Variants in RIT2 observed in about 807,000 individuals in gnomAD.
RIT2 encodes Ras like without CAAX 2, also known as GTP-binding protein Rit2.
RIT2 carries 24 observed loss-of-function variants against 23.7 expected under a neutral mutation model. The observed-to-expected ratio is 1.01, with a 90% CI of 0.73 to 1.43. The LOEUF is 1.43. Ranked by LOEUF, RIT2 falls within the 40% of genes most tolerant of loss-of-function variation. The probability of loss-of-function intolerance (pLI) is 0.00; values close to 1 mark genes in which losing one functional copy is unlikely to be tolerated. For missense variants in RIT2, 236 were observed against 266.9 expected (o/e 0.88, Z 0.81); for synonymous variants, 107 against 91.1 (o/e 1.17, Z -0.99).
Position 42,948,541 on chromosome 18 carries a change from T to C in RIT2, c.235-24778A>G, listed in dbSNP as rs1489350994. Among the ~76,000 whole-genome samples, 3 of 151,978 alleles carry C rather than the reference T, an allele frequency of 2.0e-5. No homozygotes were observed. The East Asian group carries it at 5.8e-4, about 29-fold the overall frequency. On this transcript the variant is annotated intron_variant, in intron 3 of 4. Coordinates refer to ENST00000326695, the MANE Select transcript of RIT2 (RefSeq NM_002930.4). Reference sequence around the variant, plus strand: ...TTGAAGTCAGGACATAAAATACAAGTTTGGAAAGTGCACATGGATTCTAGA... The same window carrying C: ...TTGAAGTCAGGACATAAAATACAAGCTTGGAAAGTGCACATGGATTCTAGA...
rs139417482 is a variant in RIT2, at chr18:43,071,725, C to T, written c.104-37858G>A. Among the ~76,000 whole-genome samples the T allele has an allele frequency of 4.5e-3, 688 of 152,198 alleles. 5 individuals are homozygous for T. The highest frequency in any genetic ancestry group is 0.016 in the African/African-American group (655 of 41,514). On this transcript the variant is annotated intron_variant, in intron 1 of 4. Transcript: ENST00000326695. ...TATATTACATTTATTAATACTTTGA[C>T]AAATTATTTTAATATGATTGGTTTT...
chr18:42,747,100 G>C (rs1223361593), intron 4 of RIT2, among the ~76,000 whole-genome samples: 1 of 151,964 alleles, frequency 6.6e-6, no homozygotes, highest in African/African-American at 2.4e-5. Context: ...CTGGTGAAGA[G>C]GAAGTAAAAC....
rs138454382 is a variant in RIT2, at chr18:43,097,310, T to G, written c.103+18107A>C. On this transcript the variant is annotated intron_variant, in intron 1 of 4. Transcript: ENST00000326695. ...CATAGAGTATAGAGCATATAAAACT[T>G]AACTTATAGAGTTTATATTATAGAG... Among the ~76,000 whole-genome samples the G allele has an allele frequency of 3.5e-3, 530 of 151,996 alleles. 3 individuals are homozygous for G. Among genetic ancestry groups the G allele is most frequent in the African/African-American group, 0.011 (447 of 41,524 alleles).
intron 4 of RIT2, among the ~76,000 whole-genome samples, chr18:42,862,058 T>C (rs1209314760): frequency 6.6e-6 from 1 of 152,170 alleles, no homozygotes; most frequent in Non-Finnish European, 1.5e-5. Flanking sequence ...TTTTACTTTT[T>C]TCTACTTTTT....
At chr18:42,879,645 C>T (rs1040892810) in intron 4 of RIT2, among the ~76,000 whole-genome samples, 1 of 151,874 alleles carries the variant, frequency 6.6e-6, no homozygotes, top group African/African-American at 2.4e-5. Flanking sequence ...TAAGTTTCCT[C>T]CTCTACCTCC....
intron 4 of RIT2, chr18:42,920,752 C>T: frequency 6.3e-7 from 1 of 1,594,916 alleles, no homozygotes; most frequent in Non-Finnish European, 8.5e-7. Context: ...CAAACTCTTT[C>T]AGTGTAGGCT....
At chr18:42,929,366 C>T (rs1046722520) in intron 3 of RIT2, among the ~76,000 whole-genome samples, 2 of 151,950 alleles carry the variant, frequency 1.3e-5, no homozygotes, top group Non-Finnish European at 2.9e-5. Flanking sequence ...CAATGTAAGC[C>T]TTGCCAAACA....
At chr18:43,078,145 T>C (rs567082335) in intron 1 of RIT2, among the ~76,000 whole-genome samples, 1 of 152,304 alleles carries the variant, frequency 6.6e-6, no homozygotes. Flanking sequence ...TTTTTATTAC[T>C]GTGAGTAATG....
At chr18:42,982,319 G>A (rs1910616286) in intron 2 of RIT2, among the ~76,000 whole-genome samples, 1 of 152,036 alleles carries the variant, frequency 6.6e-6, no homozygotes, top group South Asian at 2.1e-4. Context: ...TTCTCTGCGG[G>A]CCCCCAGTCA....
chr18:43,026,190 C>A (rs1445504616), intron 2 of RIT2, among the ~76,000 whole-genome samples: 2 of 151,118 alleles, frequency 1.3e-5, no homozygotes. Flanking sequence ...TATTGTGTGG[C>A]AAAAGAAAAA....
intron 4 of RIT2, among the ~76,000 whole-genome samples, chr18:42,857,895 T>G (rs1451273687): frequency 2.0e-5 from 3 of 152,134 alleles, no homozygotes; most frequent in Admixed American, 6.5e-5. Context: ...TAATAACATT[T>G]GCAGGCTGTG....
intron 4 of RIT2, among the ~76,000 whole-genome samples, chr18:42,807,895 G>C (rs966106840): frequency 1.3e-5 from 2 of 151,990 alleles, no homozygotes; most frequent in Non-Finnish European, 2.9e-5. Context: ...GTAGGTAACA[G>C]TCAATGCTAA....
At chr18:42,857,874 C>T (rs1176272351) in intron 4 of RIT2, among the ~76,000 whole-genome samples, 2 of 152,070 alleles carry the variant, frequency 1.3e-5, no homozygotes, top group African/African-American at 4.8e-5. Context: ...TAGATAAGAC[C>T]AAAGGTGATT....
intron 2 of RIT2, among the ~76,000 whole-genome samples, chr18:42,986,338 A>T (rs543218401): frequency 6.9e-6 from 1 of 145,488 alleles, no homozygotes; most frequent in Non-Finnish European, 1.5e-5. Flanking sequence ...CCATATCCAG[A>T]ATATGTAAAC....
At chr18:42,835,434 G>T (rs931013423) in intron 4 of RIT2, among the ~76,000 whole-genome samples, 1 of 151,938 alleles carries the variant, frequency 6.6e-6, no homozygotes, top group African/African-American at 2.4e-5. Flanking sequence ...CTCACTCAAT[G>T]CCCTTGTAAG....
chr18:43,024,409 G>A (rs1282443385), intron 2 of RIT2, among the ~76,000 whole-genome samples: 1 of 151,960 alleles, frequency 6.6e-6, no homozygotes, highest in Non-Finnish European at 1.5e-5. Context: ...ATTAACTCAA[G>A]ATGGATTAGA....
chr18:43,015,321 A>T (rs972204537), intron 2 of RIT2, among the ~76,000 whole-genome samples: 18 of 151,648 alleles, frequency 1.2e-4, no homozygotes, highest in African/African-American at 3.9e-4. Context: ...GAACTACTAG[A>T]TGGATAGCAA....
At chr18:42,826,236 C>T (rs138239986) in intron 4 of RIT2, among the ~76,000 whole-genome samples, 153 of 152,148 alleles carry the variant, frequency 1.0e-3, no homozygotes, top group African/African-American at 3.5e-3. Context: ...CACTCTCTTA[C>T]ATCCATTTTA....
intron 4 of RIT2, among the ~76,000 whole-genome samples, chr18:42,886,594 A>G (rs548092460): frequency 1.3e-5 from 2 of 152,348 alleles, no homozygotes; most frequent in African/African-American, 4.8e-5. Flanking sequence ...AACTGGGCAC[A>G]TAAGTTGTAC....
Sources: gnomAD v4.1 joint callset for allele counts (sites outside exome capture counted in the v4.1 genomes callset) on GRCh38, gnomAD v4.1.1 for gene constraint, MANE v1.5 for transcripts, NCBI Gene and HGNC (gene_info 2026-07-23, HGNC 2026-07-21) for gene names.